Variants in CCNL1 observed in about 807,000 individuals in gnomAD.
CCNL1 encodes cyclin L1.
In CCNL1, 13 loss-of-function variants were observed where a neutral mutation model predicts 60.6. That is an observed-to-expected ratio of 0.21 (90% CI 0.14 to 0.34). The LOEUF (loss-of-function observed/expected upper bound fraction) is 0.34. CCNL1 is among the 10% of genes least tolerant of loss of function. The pLI, the probability that CCNL1 is intolerant of heterozygous loss-of-function variation, is 1.00. For missense variants in CCNL1, 481 were observed against 664.3 expected (o/e 0.72, Z 3.03); for synonymous variants, 270 against 244.3 (o/e 1.10, Z -0.98).
At chr3:157,150,871 AT>A in intron 5 of CCNL1, 2 of 985,090 alleles carry the variant, frequency 2.0e-6, no homozygotes, top group Non-Finnish European at 2.4e-6. Context: ...AGTTAAACTT[AT>A]ATTAAGAAAG....
At chr3:157,149,250 C>T in intron 10 of CCNL1, 37 bp downstream of exon 10, 1 of 1,485,914 alleles carries the variant, frequency 6.7e-7, no homozygotes, top group African/African-American at 1.4e-5. Context: ...TTAAAAACTC[C>T]AAATAAGACT....
At chr3:157,144,252 C>T (rs6809307), downstream of CCNL1, among the ~76,000 whole-genome samples, 42,889 of 152,068 alleles carry the variant, frequency 0.28, 6,387 homozygotes, top group Admixed American at 0.44. Flanking sequence ...AGATATTGTA[C>T]TAGTATTAGT....
intron 3 of CCNL1, 168 bp downstream of exon 3, chr3:157,158,698 T>C: frequency 1.9e-6 from 1 of 518,094 alleles, no homozygotes; most frequent in South Asian, 2.4e-5. Flanking sequence ...TGTTTCTTTT[T>C]TCAAATTATT....
At position 157,149,363 on chromosome 3, in the gene CCNL1, TTC is replaced by T; in HGVS notation, c.1154_1155del (p.Arg385LysfsTer2). 6.2e-7 allele frequency: 1 copy of T among 1,614,090 alleles called. No individual in the cohort carries two copies. The highest frequency in any genetic ancestry group is 8.5e-7 in the Non-Finnish European group (1 of 1,179,952). ...CGACTTGCACTTCTGCTATTTCTAC[TTC>T]TCTTGCTGTCTTTTCTTACACTTCA... ...PYNGVRKDSK[R>X]SRNSRSASRS... On this transcript the variant is annotated frameshift_variant, in exon 10 of 11. Transcript: ENST00000295926. LOFTEE classifies it high-confidence loss of function.
At chr3:157,159,383 T>A (rs769861259) in intron 2 of CCNL1, 22 bp downstream of exon 2, 3 of 1,612,362 alleles carry the variant, frequency 1.9e-6, no homozygotes, top group African/African-American at 2.7e-5. Flanking sequence ...AAATCCCTTT[T>A]ACCCGCCTCC....
At chr3:157,145,437 CAAAA>C (rs56894231), downstream of CCNL1, among the ~76,000 whole-genome samples, 26 of 24,254 alleles carry the variant, frequency 1.1e-3, no homozygotes, top group Non-Finnish European at 1.2e-3. Context: ...GACTTCATCT[CAAAA>C]AAAAAAAAAA....
chr3:157,144,646 G>A (rs371156365), downstream of CCNL1, among the ~76,000 whole-genome samples: 17 of 152,344 alleles, frequency 1.1e-4, no homozygotes, highest in East Asian at 2.9e-3. Flanking sequence ...CACAATGAAC[G>A]CTGCTCCGTT....
intron 3 of CCNL1, chr3:157,157,143 G>C (rs1487855220): frequency 7.9e-7 from 1 of 1,271,302 alleles, no homozygotes; most frequent in South Asian, 1.2e-5. Flanking sequence ...CAAGTTACGT[G>C]CTTGAGTAAA....
At chr3:157,157,356 TAC>T (rs1738698757) in intron 3 of CCNL1, among the ~76,000 whole-genome samples, 1 of 150,620 alleles carries the variant, frequency 6.6e-6, no homozygotes, top group African/African-American at 2.5e-5. Context: ...CCATGGTTTT[TAC>T]AGTTAAGACC....
Position 157,153,023 on chromosome 3 carries a change from C to T in CCNL1, c.609+13G>A. 1 of 1,612,628 alleles carries T rather than the reference C, an allele frequency of 6.2e-7. No individual in the cohort carries two copies. The stretch of plus-strand genomic sequence containing the variant: ...AATACTTACGAACCCAATTTCTGTA[C>T]TCTACAACTCACCTTATGAGGATGC... On this transcript the variant is annotated intron_variant, in intron 4 of 10. Coordinates refer to ENST00000295926, the MANE Select transcript of CCNL1 (RefSeq NM_020307.4).
intron 3 of CCNL1, among the ~76,000 whole-genome samples, chr3:157,157,409 T>G (rs1738703076): frequency 6.6e-6 from 1 of 152,092 alleles, no homozygotes; most frequent in Non-Finnish European, 1.5e-5. Context: ...CACAGGAAAA[T>G]TCCACAGAAG....
At position 157,159,590 on chromosome 3, in the gene CCNL1, CGCT is replaced by C. The variant is rs1360754013; in HGVS notation, c.304-114_304-112del. The C allele has an allele frequency of 8.1e-5, 86 of 1,057,052 alleles. 1 individual carries two copies. Among genetic ancestry groups the C allele is most frequent in the Non-Finnish European group, 1.1e-4 (81 of 721,494 alleles). 65.5% of individuals were successfully genotyped at this position (1,057,052 alleles called of 1,614,324 possible). ...CCCTTTCCCCTCCCGCCGCCGCCGCCGCTGCGAACAGCCCGCTGCCAAGTCCTC... is the reference window on the plus strand; with the variant it reads ...CCCTTTCCCCTCCCGCCGCCGCCGCCGCGAACAGCCCGCTGCCAAGTCCTC... On this transcript the variant is annotated intron_variant, in intron 1 of 10. Coordinates refer to ENST00000295926, the MANE Select transcript of CCNL1 (RefSeq NM_020307.4).
chr3:157,147,212 G>A (rs1450334849), downstream of CCNL1, among the ~76,000 whole-genome samples: 1 of 152,214 alleles, frequency 6.6e-6, no homozygotes, highest in Non-Finnish European at 1.5e-5. Flanking sequence ...ATTATAAAGC[G>A]ATGCAACATT....
chr3:157,147,253 GA>G (rs1455943449), downstream of CCNL1, among the ~76,000 whole-genome samples: 1 of 152,030 alleles, frequency 6.6e-6, no homozygotes, highest in Non-Finnish European at 1.5e-5. Flanking sequence ...CCAAAATGTT[GA>G]AAAAAATAGT....
At chr3:157,149,105 G>T in intron 10 of CCNL1, 182 bp downstream of exon 10, 1 of 585,982 alleles carries the variant, frequency 1.7e-6, no homozygotes, top group Non-Finnish European at 3.0e-6. Flanking sequence ...AAATATAACA[G>T]AATGCCATTA....
downstream of CCNL1, chr3:157,146,415 G>A: frequency 2.8e-6 from 1 of 359,330 alleles, no homozygotes; most frequent in East Asian, 9.2e-5. Flanking sequence ...CATTCCACAT[G>A]CAGGTGTATC....
At position 157,149,389 on chromosome 3, in the gene CCNL1, C is replaced by CA. The variant is rs755285851; in HGVS notation, c.1134-5dup. On this transcript the variant is annotated splice_polypyrimidine_tract_variant and splice_region_variant and intron_variant, in intron 9 of 10. Coordinates refer to ENST00000295926, the MANE Select transcript of CCNL1 (RefSeq NM_020307.4). ...TCTCTTGCTGTCTTTTCTTACACTT[C>CA]AAAAAATCATGACATATTAGTTACA... The CA allele has an allele frequency of 9.3e-6, 15 of 1,613,160 alleles. No homozygotes were observed. Among genetic ancestry groups the CA allele is most frequent in the South Asian group, 2.2e-5 (2 of 91,048 alleles).
In CCNL1 at chr3:157,159,479, C is replaced by T; in HGVS notation, c.304G>A (p.Val102Met). The T allele has an allele frequency of 6.2e-7, 1 of 1,604,512 alleles. No homozygotes were observed. The highest frequency in any genetic ancestry group is 8.5e-7 in the Non-Finnish European group (1 of 1,175,442). Residue 102 changes from valine (V) to methionine (M), a missense_variant and splice_region_variant, in exon 2 of 11, where the codon GTG becomes ATG. Physicochemically the swap from Val to Met is conservative, Grantham distance 21. This residue lies in a region of CCNL1 where 130 missense variants were observed against 174.5 expected (regional missense o/e 0.75). Coordinates refer to ENST00000295926, the MANE Select transcript of CCNL1 (RefSeq NM_020307.4). ...AACACCTGCCCCGTTGCCATCGCCA[C>T]CTGCAGACAAGAGAGGAGAACGGAA... ...AAGILLRLPQ[V>M]AMATGQVLFH...
intron 5 of CCNL1, chr3:157,151,435 T>C (rs1348082184): frequency 1.3e-5 from 13 of 985,716 alleles, no homozygotes; most frequent in South Asian, 9.4e-5. Context: ...AGCAATATTA[T>C]AGTAACATCT....
Sources: gnomAD v4.1 joint callset for allele counts (sites outside exome capture counted in the v4.1 genomes callset) on GRCh38, gnomAD v4.1.1 for gene constraint, gnomAD v4.1.1 regional missense constraint, MANE v1.5 for transcripts, NCBI Gene and HGNC (gene_info 2026-07-23, HGNC 2026-07-21) for gene names.